Variants in KCNT1 observed in about 807,000 individuals in gnomAD.
KCNT1 encodes potassium channel subfamily T member 1.
In KCNT1, 78 loss-of-function variants were observed where a neutral mutation model predicts 147.8. The ratio of observed to expected loss-of-function variants is 0.53; its 90% CI spans 0.44 to 0.64. The LOEUF (loss-of-function observed/expected upper bound fraction) is 0.64. Ranked by LOEUF, KCNT1 falls within the 30% of genes least tolerant of loss-of-function variation. The pLI, the probability that KCNT1 is intolerant of heterozygous loss-of-function variation, is 0.00. For missense variants in KCNT1, 1,419 were observed against 1,750.3 expected (o/e 0.81, Z 3.38); for synonymous variants, 867 against 748.8 (o/e 1.16, Z -2.58).
chr9:135,785,682 C>T (rs1359933950), intron 28 of KCNT1: 1 of 528,176 alleles, frequency 1.9e-6, no homozygotes, highest in South Asian at 2.0e-5. Flanking sequence ...AAGGTGCCAC[C>T]CAGGTGGGAT....
intron 21 of KCNT1, among the ~76,000 whole-genome samples, chr9:135,777,962 T>C (rs796634229): frequency 2.7e-5 from 4 of 149,164 alleles, no homozygotes; most frequent in Non-Finnish European, 3.0e-5. Flanking sequence ...CCACTCCCAG[T>C]TCCTCTGTCT....
chr9:135,731,991 TAGAGAGAGAGAGAGAGAGAGAGAGAG>T (rs1189149987), intron 2 of KCNT1, among the ~76,000 whole-genome samples: 1 of 21,756 alleles, frequency 4.6e-5, no homozygotes, highest in African/African-American at 1.7e-4. Flanking sequence ...TATATATATA[TAGAGAGAGAGAGAGAGAGAGAGAGAG>T]AGAGAGAGAG....
At position 135,770,358 on chromosome 9, in the gene KCNT1, G is replaced by A. The variant is rs143983055; in HGVS notation, c.1680G>A (p.Glu560=). ...TGTATGGGCGCTGCTCCGGCAACGAGGTGTACCACATCCGCATGGGTGACA... is the reference window on the plus strand; with the variant it reads ...TGTATGGGCGCTGCTCCGGCAACGAAGTGTACCACATCCGCATGGGTGACA... ...QRMYGRCSGN[E]VYHIRMGDSK... Residue 560 remains glutamate, a synonymous_variant, in exon 17 of 31, where the codon GAG becomes GAA. Coordinates refer to ENST00000371757, the MANE Select transcript of KCNT1 (RefSeq NM_020822.3). The A allele has an allele frequency of 2.5e-6, 4 of 1,612,976 alleles. No homozygotes were observed. The African/African-American group carries it at 5.3e-5, about 22-fold the overall frequency.
At position 135,786,317 on chromosome 9, in the gene KCNT1, G is replaced by GCAGAGCACCCA; in HGVS notation, c.3300_3310dup (p.Leu1104GlnfsTer17). The GCAGAGCACCCA allele has an allele frequency of 6.2e-7, 1 of 1,600,096 alleles. No homozygotes were observed. Among genetic ancestry groups the GCAGAGCACCCA allele is most frequent in the East Asian group, 2.3e-5 (1 of 44,310 alleles). ...CCGCCACACGGGCGGCGGTGACCCC[G>GCAGAGCACCCA]CAGAGCACCCACTGCTACGGCGCAA... On this transcript the variant is annotated frameshift_variant, in exon 29 of 31. Transcript: ENST00000371757. LOFTEE classifies it high-confidence loss of function.
At chr9:135,766,290 G>A (rs1339207245) in intron 13 of KCNT1, among the ~76,000 whole-genome samples, 1 of 147,954 alleles carries the variant, frequency 6.8e-6, no homozygotes, top group Non-Finnish European at 1.5e-5. Flanking sequence ...AGGGTAGACT[G>A]TCCAGGGTGG....
In KCNT1 at chr9:135,755,035, C is replaced by A. The variant is rs4842032; in HGVS notation, c.492-86C>A. 5.4e-4 allele frequency: 692 copies of A among 1,285,060 alleles called. 4 individuals are homozygous for A. In the African/African-American group the frequency reaches 8.7e-3, roughly 16 times the overall value. The allele number at this position is 1,285,060 out of a possible 1,614,324, so 79.6% of individuals were successfully genotyped here. Reference sequence around the variant, plus strand: ...AGCACATGCTTGGGGCCAGTGGAGGCCAATGGTTATGGCCCCAGCCCCAGG... The same window carrying A: ...AGCACATGCTTGGGGCCAGTGGAGGACAATGGTTATGGCCCCAGCCCCAGG... On this transcript the variant is annotated intron_variant, in intron 5 of 30. Transcript: ENST00000371757.
intron 18 of KCNT1, among the ~76,000 whole-genome samples, chr9:135,771,548 G>C (rs969087762): frequency 6.6e-6 from 1 of 152,252 alleles, no homozygotes. Flanking sequence ...GGTCCCATCA[G>C]CCCGGAGGGT....
chr9:135,710,417 T>G (rs1835438163), intron 1 of KCNT1, among the ~76,000 whole-genome samples: 1 of 152,246 alleles, frequency 6.6e-6, no homozygotes, highest in Non-Finnish European at 1.5e-5. Flanking sequence ...AGTGCATTTC[T>G]GAAGTTCTCC....
chr9:135,780,308 C>T (rs1334927423), intron 24 of KCNT1, among the ~76,000 whole-genome samples: 2 of 152,210 alleles, frequency 1.3e-5, no homozygotes, highest in Non-Finnish European at 2.9e-5. Flanking sequence ...CTGAAGTCCT[C>T]ATCGGCGAGC....
intron 2 of KCNT1, among the ~76,000 whole-genome samples, chr9:135,719,548 C>T (rs1835845004): frequency 1.3e-5 from 2 of 152,102 alleles, no homozygotes; most frequent in Admixed American, 6.5e-5. Flanking sequence ...GGCAGGCAGC[C>T]ACCCCCCGCC....
chr9:135,734,782 T>A (rs1017176674), intron 2 of KCNT1, among the ~76,000 whole-genome samples: 2 of 152,062 alleles, frequency 1.3e-5, no homozygotes, highest in Non-Finnish European at 2.9e-5. Context: ...TCCCAGGGAA[T>A]GTGAGCGAGC....
At chr9:135,776,243 T>C (rs561772619) in intron 20 of KCNT1, among the ~76,000 whole-genome samples, 1 of 152,038 alleles carries the variant, frequency 6.6e-6, no homozygotes, top group Non-Finnish European at 1.5e-5. Flanking sequence ...CTCAGTGGGT[T>C]CTTTTTTGTT....
intron 3 of KCNT1, 109 bp from the exon 4 acceptor site, chr9:135,750,833 G>A: frequency 2.1e-6 from 2 of 938,912 alleles, no homozygotes; most frequent in Non-Finnish European, 3.4e-6. Flanking sequence ...GGTGTGGGAG[G>A]GGAGCCCAGC....
rs117181884 is a variant in KCNT1, at chr9:135,752,855, G to T, written c.435-1082G>T. Reference sequence around the variant, plus strand: ...TGTTGGATGGAGGGATGAGTGAATGGGTGGAGGGATGAGTGGATGGATGGA... The same window carrying T: ...TGTTGGATGGAGGGATGAGTGAATGTGTGGAGGGATGAGTGGATGGATGGA... On this transcript the variant is annotated intron_variant, in intron 4 of 30. Coordinates refer to ENST00000371757, the MANE Select transcript of KCNT1 (RefSeq NM_020822.3). The surrounding 1 kb of genome is among the most constrained non-coding windows in gnomAD (Gnocchi z 5.1). Among the ~76,000 whole-genome samples, 35 of 151,404 alleles carry T rather than the reference G, an allele frequency of 2.3e-4. No individual in the cohort carries two copies. In the East Asian group the frequency reaches 6.7e-3, roughly 29 times the overall value.
At chr9:135,737,430 C>T (rs1191843050) in intron 2 of KCNT1, among the ~76,000 whole-genome samples, 1 of 152,158 alleles carries the variant, frequency 6.6e-6, no homozygotes, top group Non-Finnish European at 1.5e-5. Flanking sequence ...GCAGCAAATT[C>T]CTAGCCAGCA....
intron 1 of KCNT1, among the ~76,000 whole-genome samples, chr9:135,713,373 T>C (rs1835582540): frequency 6.6e-6 from 1 of 152,254 alleles, no homozygotes; most frequent in Non-Finnish European, 1.5e-5. Context: ...GGAGCAGGGT[T>C]TGGGGCACGC....
chr9:135,788,360 G>A (rs575321431), intron 29 of KCNT1, among the ~76,000 whole-genome samples: 7 of 152,376 alleles, frequency 4.6e-5, no homozygotes, highest in Admixed American at 3.3e-4. Context: ...CGTTGAGGAC[G>A]GGCCTGAGGC....
intron 17 of KCNT1, 73 bp from the exon 18 acceptor site, chr9:135,770,784 C>A: frequency 7.3e-7 from 1 of 1,365,994 alleles, no homozygotes; most frequent in African/African-American, 1.4e-5. Flanking sequence ...TGGTGATTTG[C>A]AGGAAGGGCA....
In KCNT1 at chr9:135,779,352, C is replaced by CCCCCAGGCTCTT; in HGVS notation, c.2730_2741dup. On this transcript the variant is annotated splice_polypyrimidine_tract_variant and splice_region_variant and intron_variant, in intron 23 of 30. Transcript: ENST00000371757. ...GGGCCCCGCCCTGAGCCGCCTGCCT[C>CCCCCAGGCTCTT]CCCCAGGCTCTTCCCCAGCCTCAGC... is the stretch of plus-strand genomic sequence containing the variant. 3 of 1,598,644 alleles carry CCCCCAGGCTCTT rather than the reference C, an allele frequency of 1.9e-6. No individual in the cohort carries two copies. The highest frequency in any genetic ancestry group is 1.3e-5 in the African/African-American group (1 of 74,702).
Sources: gnomAD v4.1 joint callset for allele counts (sites outside exome capture counted in the v4.1 genomes callset) on GRCh38, gnomAD v4.1.1 for gene constraint, Gnocchi (gnomAD v3.1) non-coding constraint, MANE v1.5 for transcripts, NCBI Gene and HGNC (gene_info 2026-07-23, HGNC 2026-07-21) for gene names.